The following PSG1 variants were observed in gnomAD, a reference collection of about 807,000 sequenced individuals.
PSG1 encodes pregnancy-specific beta-1-glycoprotein 1.
A neutral mutation model predicts 41.4 loss-of-function variants in PSG1; 60 were observed. The observed-to-expected ratio is 1.45, with a 90% confidence interval of 1.18 to 1.80. PSG1 has a LOEUF of 1.80. Ranked by LOEUF, PSG1 falls within the 40% of genes most tolerant of loss-of-function variation. The probability of loss-of-function intolerance (pLI) is 0.00; values close to 1 mark genes in which losing one functional copy is unlikely to be tolerated. For missense variants in PSG1, 806 were observed against 516.9 expected, an observed-to-expected ratio of 1.56 and a Z score of -5.42; for synonymous variants, 256 against 192.9, an observed-to-expected ratio of 1.33 and a Z score of -2.71.
chr19:42,867,982 G>T, intron 5 of PSG1, 119 bp downstream of exon 5: 1 of 1,602,116 alleles, frequency 6.2e-7, no homozygotes. Context: ...GGAGAATTTG[G>T]GATTTGCTTG....
intron 2 of PSG1, among the ~76,000 whole-genome samples, chr19:42,875,407 C>G (rs757804565): frequency 9.2e-5 from 14 of 151,690 alleles, no homozygotes; most frequent in Non-Finnish European, 1.9e-4. Flanking sequence ...GTCATTGGGA[C>G]AGGGTTTACA....
At chr19:42,876,242 C>T (rs562383273) in intron 2 of PSG1, among the ~76,000 whole-genome samples, 2 of 151,386 alleles carry the variant, frequency 1.3e-5, no homozygotes, top group Non-Finnish European at 2.9e-5. Flanking sequence ...GGCAGATACA[C>T]CATGGCAGTG....
intron 2 of PSG1, among the ~76,000 whole-genome samples, chr19:42,875,648 T>C (rs1446642865): frequency 6.6e-6 from 1 of 151,360 alleles, no homozygotes; most frequent in Non-Finnish European, 1.5e-5. Context: ...GCAGTACTAA[T>C]TTTTTAGTCC....
chr19:42,872,806 T>C (rs375038997), intron 2 of PSG1, among the ~76,000 whole-genome samples: 1 of 151,832 alleles, frequency 6.6e-6, no homozygotes, highest in African/African-American at 2.4e-5. Context: ...TAGAGGGCAG[T>C]TGAGGACCAT....
At chr19:42,879,101 G>C (rs1472633321) in intron 1 of PSG1, among the ~76,000 whole-genome samples, 2 of 150,812 alleles carry the variant, frequency 1.3e-5, no homozygotes, top group Admixed American at 1.3e-4. Context: ...TCCCTCTCTG[G>C]TGTATTTTCC....
At chr19:42,868,717 G>C (rs1971247103) in intron 4 of PSG1, 39 bp downstream of exon 4, 2 of 1,607,110 alleles carry the variant, frequency 1.2e-6, no homozygotes, top group South Asian at 2.2e-5. Context: ...TTGGATTTAA[G>C]CTGGTGTCCT....
intron 3 of PSG1, chr19:42,870,060 C>A (rs1416523479): frequency 1.3e-5 from 2 of 151,636 alleles, no homozygotes; most frequent in Non-Finnish European, 2.9e-5. Context: ...TGAGAAGAGA[C>A]TGCTGGTTGT....
chr19:42,867,795 A>G, intron 5 of PSG1: 5 of 1,149,120 alleles, frequency 4.4e-6, no homozygotes, highest in Non-Finnish European at 6.3e-6. Flanking sequence ...AAAACAAACC[A>G]TTTAAAGAAT....
In PSG1 at chr19:42,867,243, C is replaced by T. The variant is rs190747854; in HGVS notation, c.1244-93G>A. 134 of 747,352 alleles carry T rather than the reference C, an allele frequency of 1.8e-4. 2 individuals carry two copies. In the Middle Eastern group the frequency reaches 4.2e-3, roughly 24 times the overall value. The allele number at this position is 747,352 out of a possible 1,614,324, so 46.3% of individuals were successfully genotyped here. On this transcript the variant is annotated intron_variant, in intron 5 of 5. Transcript: ENST00000436291. The stretch of plus-strand genomic sequence containing the variant: ...GTTTTTATTTTCCACATAATTTTTC[C>T]CTCTATGGGCATCTCTACTTTTACC...
intron 2 of PSG1, among the ~76,000 whole-genome samples, chr19:42,876,451 T>G: frequency 6.6e-6 from 1 of 151,472 alleles, no homozygotes; most frequent in East Asian, 1.9e-4. Flanking sequence ...GGGACAGGTG[T>G]GGCTAGAACC....
At chr19:42,876,333 G>C (rs183748533) in intron 2 of PSG1, among the ~76,000 whole-genome samples, 3 of 151,260 alleles carry the variant, frequency 2.0e-5, no homozygotes, top group African/African-American at 2.4e-5. Context: ...AGGAGCCCTC[G>C]AGAACCCTCC....
At chr19:42,875,996 C>T (rs1971587986) in intron 2 of PSG1, among the ~76,000 whole-genome samples, 2 of 151,100 alleles carry the variant, frequency 1.3e-5, no homozygotes. Context: ...GACCTGGGGA[C>T]ATTGGCTCGA....
Position 42,866,978 on chromosome 19 carries a change from G to A in PSG1, c.*156C>T. The A allele has an allele frequency of 2.6e-6, 2 of 761,270 alleles. No individual in the cohort carries two copies. Among genetic ancestry groups the A allele is most frequent in the Non-Finnish European group, 4.8e-6 (2 of 416,006 alleles). The allele number at this position is 761,270 out of a possible 1,614,324, so 47.2% of individuals were successfully genotyped here. A position where few individuals can be genotyped will look rare whatever the true frequency, so the allele number is the denominator to read the frequency against. Reference sequence around the variant, plus strand: ...CTGTTGTTATGGTGTCGAATATTTTGGTGAGTTCTGAGTGGCTCATGCTTC... The same window carrying A: ...CTGTTGTTATGGTGTCGAATATTTTAGTGAGTTCTGAGTGGCTCATGCTTC... On this transcript the variant is annotated 3_prime_UTR_variant, in exon 6 of 6. Coordinates refer to ENST00000436291, the MANE Select transcript of PSG1 (RefSeq NM_001184825.2).
At chr19:42,871,547 G>C (rs1328245524) in intron 3 of PSG1, among the ~76,000 whole-genome samples, 5 of 151,676 alleles carry the variant, frequency 3.3e-5, no homozygotes, top group Admixed American at 1.3e-4. Context: ...ATCACAAGCT[G>C]TGGACCCTGA....
At chr19:42,879,306 C>A (rs1460396055) in intron 1 of PSG1, among the ~76,000 whole-genome samples, 1 of 151,272 alleles carries the variant, frequency 6.6e-6, no homozygotes, top group East Asian at 1.9e-4. Context: ...GAGCACACCA[C>A]CATACCTGGT....
intron 3 of PSG1, among the ~76,000 whole-genome samples, chr19:42,871,528 G>T (rs968943862): frequency 1.3e-5 from 2 of 151,802 alleles, no homozygotes; most frequent in Admixed American, 6.6e-5. Flanking sequence ...ACCTTCACCT[G>T]TTTCTCCCAT....
intron 2 of PSG1, among the ~76,000 whole-genome samples, chr19:42,877,402 C>T (rs1454009219): frequency 6.6e-6 from 1 of 151,606 alleles, no homozygotes; most frequent in Non-Finnish European, 1.5e-5. Context: ...CCAGGAGACA[C>T]AGTCCTCTGA....
At position 42,878,102 on chromosome 19, in the gene PSG1, A is replaced by T. The variant is rs1449960222; in HGVS notation, c.241T>A (p.Ser81Thr). The change falls in exon 2 of 6, where the codon TCA becomes ACA. Residue 81 changes from serine (S) to threonine (T), a missense_variant. Ser to Thr is a moderately conservative substitution (Grantham distance 58). Coordinates refer to ENST00000436291, the MANE Select transcript of PSG1 (RefSeq NM_001184825.2). ...QMRDLYHYIT[S>T]YVVDGEIIIY... Reference sequence around the variant, plus strand: ...ATTATTTCACCGTCTACTACATATGATGTAATGTAATGGTAGAGGTCCCTC... The same window carrying T: ...ATTATTTCACCGTCTACTACATATGTTGTAATGTAATGGTAGAGGTCCCTC... 7.4e-6 allele frequency: 12 copies of T among 1,612,128 alleles called. No homozygotes were observed. The highest frequency in any genetic ancestry group is 1.0e-5 in the Non-Finnish European group (12 of 1,179,026).
In PSG1 at chr19:42,871,915, G is replaced by C. The variant is rs1395160353; in HGVS notation, c.561C>G (p.Leu187=). 5 of 1,612,456 alleles carry C rather than the reference G, an allele frequency of 3.1e-6. No homozygotes were observed. Among genetic ancestry groups the C allele is most frequent in the Non-Finnish European group, 4.2e-6 (5 of 1,179,214 alleles). ...ACAGCTTCAAGCTGTGAGTCATAGG[G>C]AGGCTCTGACCATTCATCCACCACA... ...SYLWWMNGQS[L]PMTHSLKLSE... Residue 187 remains leucine, a synonymous_variant, in exon 3 of 6, where the codon CTC becomes CTG. Transcript: ENST00000436291.
Sources: gnomAD v4.1 joint callset for allele counts (sites outside exome capture counted in the v4.1 genomes callset) on GRCh38, gnomAD v4.1.1 for gene constraint, MANE v1.5 for transcripts, NCBI Gene and HGNC (gene_info 2026-07-23, HGNC 2026-07-21) for gene names.